ABLIM2: variants seen among roughly 807,000 people sequenced by gnomAD.
The protein encoded by ABLIM2 is actin binding LIM protein family member 2.
A neutral mutation model predicts 97.7 loss-of-function variants in ABLIM2; 53 were observed. The observed-to-expected ratio is 0.54, with a 90% CI of 0.44 to 0.68. The LOEUF is 0.68. Among genes scored for constraint, ABLIM2 ranks in the 30% least tolerant of loss-of-function variants. The probability of loss-of-function intolerance (pLI) is 0.00; values close to 1 mark genes in which losing one functional copy is unlikely to be tolerated. For missense variants in ABLIM2, 835 were observed against 867.2 expected, an observed-to-expected ratio of 0.96 and a Z score of 0.47; for synonymous variants, 361 against 345.8, an observed-to-expected ratio of 1.04 and a Z score of -0.49.
At chr4:8,109,112 C>A (rs796380412) in intron 1 of ABLIM2, among the ~76,000 whole-genome samples, 1 of 152,250 alleles carries the variant, frequency 6.6e-6, no homozygotes, top group Non-Finnish European at 1.5e-5. Context: ...CACTGGCCCC[C>A]CACCGCCTGT....
At position 8,061,217 on chromosome 4, in the gene ABLIM2, G is replaced by T. The variant is rs1471806102; in HGVS notation, c.676-163C>A. Reference sequence around the variant, plus strand: ...ACCCAAGACCCCTGAGCAGAGCCCAGACCCGGGGGTGCCCCCGGGCTGTCC... The same window carrying T: ...ACCCAAGACCCCTGAGCAGAGCCCATACCCGGGGGTGCCCCCGGGCTGTCC... On this transcript the variant is annotated intron_variant, in intron 6 of 20. Transcript: ENST00000447017. This position sits in a 1 kb window ranked among gnomAD's most constrained non-coding sequence, Gnocchi z 4.5. Among the ~76,000 whole-genome samples the T allele has an allele frequency of 1.4e-5, 1 of 70,008 alleles. No homozygotes were observed. Among genetic ancestry groups the T allele is most frequent in the Non-Finnish European group, 2.5e-5 (1 of 39,344 alleles). 45.9% of individuals were successfully genotyped at this position (70,008 alleles called of 152,430 possible).
intron 16 of ABLIM2, among the ~76,000 whole-genome samples, chr4:8,006,820 C>T (rs1761683497): frequency 6.6e-6 from 1 of 152,174 alleles, no homozygotes; most frequent in Non-Finnish European, 1.5e-5. Context: ...GGCAGTTCCT[C>T]CGGAAGGAGC....
chr4:7,998,627 G>A lies in ABLIM2; in HGVS notation c.1619-5700C>T, dbSNP rs751149396. On this transcript the variant is annotated intron_variant, in intron 16 of 20. Coordinates refer to ENST00000447017, the MANE Select transcript of ABLIM2 (RefSeq NM_001130083.2). The surrounding 1 kb of genome is among the most constrained non-coding windows in gnomAD (Gnocchi z 6.4). ...GCTGGCCACCTGCCCATCTGCTAGT[G>A]TGGCTGCAGGAGGAAAACACCTGCC... 1.2e-5 allele frequency: 6 copies of A among 505,632 alleles called. No homozygotes were observed. Among genetic ancestry groups the A allele is most frequent in the Non-Finnish European group, 2.0e-5 (5 of 254,000 alleles). The allele number at this position is 505,632 out of a possible 1,614,324, so 31.3% of individuals were successfully genotyped here. A position where few individuals can be genotyped will look rare whatever the true frequency, so the allele number is the denominator to read the frequency against.
intron 8 of ABLIM2, among the ~76,000 whole-genome samples, chr4:8,049,622 T>C (rs371277763): frequency 6.6e-6 from 1 of 152,250 alleles, no homozygotes; most frequent in East Asian, 1.9e-4. Context: ...CTATTCTCTC[T>C]GAAGCCTGCT....
Position 8,054,360 on chromosome 4 carries a change from C to A in ABLIM2, c.764-114G>T. 1 of 1,144,946 alleles carries A rather than the reference C, an allele frequency of 8.7e-7. No homozygotes were observed. 70.9% of individuals were successfully genotyped at this position (1,144,946 alleles called of 1,614,324 possible). A position where few individuals can be genotyped will look rare whatever the true frequency, so the allele number is the denominator to read the frequency against. On this transcript the variant is annotated intron_variant, in intron 7 of 20. Transcript: ENST00000447017. The surrounding 1 kb of genome is among the most constrained non-coding windows in gnomAD (Gnocchi z 4.9). ...CATGCACAGACGTGCACTCGGACTCCACCCTCCAAGCGGCCCTGAGCATCC... is the reference window on the plus strand; with the variant it reads ...CATGCACAGACGTGCACTCGGACTCAACCCTCCAAGCGGCCCTGAGCATCC...
rs1328063460 is a variant in ABLIM2, at chr4:8,083,441, A to C, written c.455-2639T>G. 6.6e-6 allele frequency among the ~76,000 whole-genome samples: 1 copy of C among 152,096 alleles called. No individual in the cohort carries two copies. The highest frequency in any genetic ancestry group is 2.4e-5 in the African/African-American group (1 of 41,438). The stretch of plus-strand genomic sequence containing the variant: ...CTCCCTCTGTGATGCCTTTATGGGC[A>C]TCTCCGCCACTCTGCCTCCTACCAT... On this transcript the variant is annotated intron_variant, in intron 4 of 20. Coordinates refer to ENST00000447017, the MANE Select transcript of ABLIM2 (RefSeq NM_001130083.2). The surrounding 1 kb of genome is among the most constrained non-coding windows in gnomAD (Gnocchi z 4.6).
At chr4:8,119,707 A>G (rs1844405875) in intron 1 of ABLIM2, among the ~76,000 whole-genome samples, 1 of 152,202 alleles carries the variant, frequency 6.6e-6, no homozygotes, top group Non-Finnish European at 1.5e-5. Context: ...AGTGCTGCAA[A>G]TAACAGTGAC....
At chr4:8,135,563 TGAA>T (rs1850068673) in intron 1 of ABLIM2, among the ~76,000 whole-genome samples, 1 of 152,236 alleles carries the variant, frequency 6.6e-6, no homozygotes, top group Non-Finnish European at 1.5e-5. Context: ...ACGTCATTGA[TGAA>T]CCAGGAAGCA....
intron 20 of ABLIM2, 144 bp downstream of exon 20, chr4:7,983,120 T>G: frequency 1.2e-6 from 1 of 854,748 alleles, no homozygotes. Flanking sequence ...TGAGGCAATG[T>G]GGGCCTGACT....
intron 20 of ABLIM2, among the ~76,000 whole-genome samples, 170 bp from the exon 21 acceptor site, chr4:7,967,273 G>C (rs1249879784): frequency 6.6e-6 from 1 of 152,208 alleles, no homozygotes; most frequent in African/African-American, 2.4e-5. Flanking sequence ...TGCAGTGAAA[G>C]AACTGAGCTC....
intron 1 of ABLIM2, among the ~76,000 whole-genome samples, chr4:8,115,379 C>T (rs933256656): frequency 3.9e-5 from 6 of 152,212 alleles, no homozygotes; most frequent in African/African-American, 1.2e-4. Context: ...CTGCACAGAA[C>T]ACATCCTTTG....
chr4:8,153,001 G>A (rs1307433722), intron 1 of ABLIM2, among the ~76,000 whole-genome samples: 5 of 152,204 alleles, frequency 3.3e-5, no homozygotes, highest in Non-Finnish European at 7.3e-5. Flanking sequence ...CAGCAAGGAA[G>A]GGCCCTAAGT....
Position 7,999,516 on chromosome 4 carries a change from G to A in ABLIM2, c.1619-6589C>T, listed in dbSNP as rs945096091. Among the ~76,000 whole-genome samples the A allele has an allele frequency of 6.6e-6, 1 of 152,220 alleles. No homozygotes were observed. Among genetic ancestry groups the A allele is most frequent in the Non-Finnish European group, 1.5e-5 (1 of 68,038 alleles). On this transcript the variant is annotated intron_variant, in intron 16 of 20. Transcript: ENST00000447017. This position sits in a 1 kb window ranked among gnomAD's most constrained non-coding sequence, Gnocchi z 4.4. Reference sequence around the variant, plus strand: ...AGGTCAAACAGTTACTAACTAGAGAGGCTGAGATGAGGAGGGCTCCCTAGC... The same window carrying A: ...AGGTCAAACAGTTACTAACTAGAGAAGCTGAGATGAGGAGGGCTCCCTAGC...
chr4:8,106,322 A>G (rs1259879572), intron 2 of ABLIM2, among the ~76,000 whole-genome samples, 172 bp downstream of exon 2: 1 of 152,170 alleles, frequency 6.6e-6, no homozygotes, highest in Admixed American at 6.5e-5. Context: ...CACATCCACA[A>G]GTGACAAGGC....
rs1356250445 is a variant in ABLIM2 at position 8,148,292 on chromosome 4, G to A, written c.10+10388C>T. ...AGAGGATGAGCTGGTGGATGAGAGGGCTGCAGCTGCAGGTGACCTAAGCAG... is the reference window on the plus strand; with the variant it reads ...AGAGGATGAGCTGGTGGATGAGAGGACTGCAGCTGCAGGTGACCTAAGCAG... On this transcript the variant is annotated intron_variant, in intron 1 of 20. Transcript: ENST00000447017. The surrounding 1 kb of genome is among the most constrained non-coding windows in gnomAD (Gnocchi z 6.7). Among the ~76,000 whole-genome samples, 1 of 152,202 alleles carries A rather than the reference G, an allele frequency of 6.6e-6. No homozygotes were observed. The highest frequency in any genetic ancestry group is 1.5e-5 in the Non-Finnish European group (1 of 68,042).
chr4:8,015,527 C>T lies in ABLIM2; in HGVS notation c.1423+4091G>A, dbSNP rs1768361050. On this transcript the variant is annotated intron_variant, in intron 14 of 20. Coordinates refer to ENST00000447017, the MANE Select transcript of ABLIM2 (RefSeq NM_001130083.2). This position sits in a 1 kb window ranked among gnomAD's most constrained non-coding sequence, Gnocchi z 4.6. ...GACCCAAAACCAAAATGAAACTCAA[C>T]CCCACTAGAATCTGGAATCCCAGAG... Among the ~76,000 whole-genome samples, 1 of 152,292 alleles carries T rather than the reference C, an allele frequency of 6.6e-6. No homozygotes were observed.
intron 16 of ABLIM2, chr4:8,007,264 A>T: frequency 2.0e-6 from 2 of 985,368 alleles, no homozygotes; most frequent in South Asian, 4.7e-5. Context: ...GGCGCCCATC[A>T]CACGACGGGT....
At chr4:8,052,166 T>A (rs1037578396) in intron 8 of ABLIM2, among the ~76,000 whole-genome samples, 1 of 152,228 alleles carries the variant, frequency 6.6e-6, no homozygotes, top group Admixed American at 6.5e-5. Flanking sequence ...CGGAGCCACA[T>A]CATCAGGAGA....
At chr4:8,084,265 T>A (rs557671079) in intron 4 of ABLIM2, among the ~76,000 whole-genome samples, 1 of 152,124 alleles carries the variant, frequency 6.6e-6, no homozygotes, top group Non-Finnish European at 1.5e-5. Flanking sequence ...AGGCCTGCCA[T>A]GGGCCCAGAG....
Sources: gnomAD v4.1 joint callset for allele counts (sites outside exome capture counted in the v4.1 genomes callset) on GRCh38, gnomAD v4.1.1 for gene constraint, Gnocchi (gnomAD v3.1) non-coding constraint, MANE v1.5 for transcripts, NCBI Gene and HGNC (gene_info 2026-07-23, HGNC 2026-07-21) for gene names.